The following CD99 variants were observed in gnomAD, a reference collection of about 807,000 sequenced individuals.
CD99 encodes CD99 antigen.
In CD99, 19 loss-of-function variants were observed where a neutral mutation model predicts 28.4. That is an observed-to-expected ratio of 0.67 (90% CI 0.47 to 0.98). The LOEUF (loss-of-function observed/expected upper bound fraction) is 0.98, where lower values mean the gene tolerates loss of function less well. Among genes scored for constraint, CD99 ranks in the 50% least tolerant of loss-of-function variants. CD99 has a pLI of 0.00. For synonymous variants in CD99, 103 were observed against 92.1 expected (o/e 1.12, Z -0.67); for missense variants, 283 against 248.8 (o/e 1.14, Z -0.92).
intron 1 of CD99, among the ~76,000 whole-genome samples, chrX:2,703,595 C>T (rs985044769): frequency 7.0e-6 from 1 of 142,682 alleles, no homozygotes; most frequent in Non-Finnish European, 1.5e-5. Context: ...ATTAACAAAC[C>T]GAGCTGTTAA....
chrX:2,701,939 G>A (rs2047883970), intron 1 of CD99, among the ~76,000 whole-genome samples: 1 of 152,192 alleles, frequency 6.6e-6, no homozygotes, highest in Non-Finnish European at 1.5e-5. Context: ...TTGACCACAC[G>A]TTTGCATCAC....
intron 2 of CD99, among the ~76,000 whole-genome samples, chrX:2,716,121 T>C (rs1253200826): frequency 2.0e-5 from 3 of 151,270 alleles, no homozygotes; most frequent in East Asian, 2.0e-4. Context: ...CGGGTTCAAG[T>C]GATTCTCCTG....
At chrX:2,703,662 T>C (rs2047985800) in intron 1 of CD99, among the ~76,000 whole-genome samples, 1 of 146,512 alleles carries the variant, frequency 6.8e-6, no homozygotes, top group Non-Finnish European at 1.5e-5. Flanking sequence ...TGGCCTCACA[T>C]CATTTTACAG....
intron 8 of CD99, among the ~76,000 whole-genome samples, chrX:2,734,493 G>C (rs2049832876): frequency 6.6e-6 from 1 of 151,840 alleles, no homozygotes; most frequent in Admixed American, 6.6e-5. Context: ...TTTTAGTAGA[G>C]ACGGGGTTTC....
intron 1 of CD99, among the ~76,000 whole-genome samples, chrX:2,707,555 G>GA (rs2048182393): frequency 6.6e-6 from 1 of 152,142 alleles, no homozygotes. Flanking sequence ...TGAATCAGTA[G>GA]AAAGTGTCTT....
At position 2,732,698 on chromosome X, in the gene CD99, G is replaced by A. The variant is rs1302440556; in HGVS notation, c.476-5502G>A. On this transcript the variant is annotated intron_variant, in intron 8 of 9. Coordinates refer to ENST00000381192, the MANE Select transcript of CD99 (RefSeq NM_002414.5). ...TTTCTTCCTTCTCTTTTCTTCTTAT[G>A]TACCTCTTTCTTTTTTCTCTCTTCT... Among the ~76,000 whole-genome samples the A allele has an allele frequency of 2.6e-5, 3 of 116,988 alleles. No individual in the cohort carries two copies. In the East Asian group the frequency reaches 7.2e-4, roughly 28 times the overall value. 76.7% of individuals were successfully genotyped at this position (116,988 alleles called of 152,430 possible). A position where few individuals can be genotyped will look rare whatever the true frequency, so the allele number is the denominator to read the frequency against.
At chrX:2,731,621 A>C in intron 8 of CD99, among the ~76,000 whole-genome samples, 1 of 152,128 alleles carries the variant, frequency 6.6e-6, no homozygotes, top group East Asian at 1.9e-4. Context: ...AACCATGCCC[A>C]GTTTTGGGGA....
At chrX:2,714,354 A>T in intron 1 of CD99, 68 bp from the exon 2 acceptor site, 32 of 1,083,792 alleles carry the variant, frequency 3.0e-5, no homozygotes, top group Non-Finnish European at 4.2e-5. Context: ...TATCTTTTTT[A>T]TCTCTATAAT....
intron 2 of CD99, chrX:2,715,276 C>T (rs1247572891): frequency 6.6e-6 from 1 of 152,268 alleles, no homozygotes; most frequent in Non-Finnish European, 1.5e-5. Flanking sequence ...AAAGGTGCCA[C>T]CAACTGGGGG....
intron 1 of CD99, among the ~76,000 whole-genome samples, chrX:2,696,192 A>T (rs1177407091): frequency 6.6e-6 from 1 of 152,188 alleles, no homozygotes; most frequent in African/African-American, 2.4e-5. Context: ...TGGCAGAGAA[A>T]GGCTGGTTAT....
chrX:2,717,696 C>A (rs764436472), intron 3 of CD99, 44 bp downstream of exon 3: 4 of 1,566,572 alleles, frequency 2.6e-6, no homozygotes, highest in Non-Finnish European at 2.6e-6. Flanking sequence ...AAGAGCAAAT[C>A]ATTTTCTCGG....
At chrX:2,715,282 G>A (rs1463709792) in intron 2 of CD99, 1 of 152,246 alleles carries the variant, frequency 6.6e-6, no homozygotes, top group African/African-American at 2.4e-5. Context: ...GCCACCAACT[G>A]GGGGCTTAAA....
chrX:2,692,142 G>T lies in CD99; in HGVS notation c.67+715G>T, dbSNP rs1049211385. 44 of 561,962 alleles carry T rather than the reference G, an allele frequency of 7.8e-5. 2 individuals carry two copies. The highest frequency in any genetic ancestry group is 5.8e-4 in the Admixed American group (18 of 30,954). 34.8% of individuals were successfully genotyped at this position (561,962 alleles called of 1,614,324 possible). On this transcript the variant is annotated intron_variant, in intron 1 of 9. Transcript: ENST00000381192. ...GTCACCCTCCCACGCCCTAAACCGG[G>T]CCTATTTCTAATTATTACTTTAATC...
At chrX:2,732,311 C>T (rs1292028543) in intron 8 of CD99, among the ~76,000 whole-genome samples, 1 of 152,138 alleles carries the variant, frequency 6.6e-6, no homozygotes, top group Non-Finnish European at 1.5e-5. Flanking sequence ...GCTTCCGTGG[C>T]TGGCAAGGGG....
chrX:2,725,636 T>C (rs2049239212), intron 7 of CD99, among the ~76,000 whole-genome samples: 1 of 152,126 alleles, frequency 6.6e-6, no homozygotes, highest in South Asian at 2.1e-4. Flanking sequence ...TGTTTTGAGA[T>C]GGTGAATTGC....
At chrX:2,703,438 C>G (rs1413935048) in intron 1 of CD99, among the ~76,000 whole-genome samples, 1 of 152,024 alleles carries the variant, frequency 6.6e-6, no homozygotes, top group East Asian at 1.9e-4. Flanking sequence ...AAACAGAAAC[C>G]CACATAAAAC....
intron 8 of CD99, among the ~76,000 whole-genome samples, chrX:2,736,717 C>T (rs747324723): frequency 5.9e-5 from 9 of 151,900 alleles, no homozygotes; most frequent in Admixed American, 4.6e-4. Flanking sequence ...ATTAGCCAGG[C>T]GTGGTGGTGC....
chrX:2,697,086 C>T (rs1371858088), intron 1 of CD99, among the ~76,000 whole-genome samples: 1 of 152,042 alleles, frequency 6.6e-6, no homozygotes, highest in African/African-American at 2.4e-5. Flanking sequence ...GAGAAAATGC[C>T]CACAGGGTAC....
At chrX:2,696,411 T>C (rs2047575858) in intron 1 of CD99, among the ~76,000 whole-genome samples, 1 of 152,188 alleles carries the variant, frequency 6.6e-6, no homozygotes. Flanking sequence ...TCTTTTCTTT[T>C]TATTTTGAGA....
Sources: allele counts gnomAD v4.1 joint callset (sites outside exome capture counted in the v4.1 genomes callset), GRCh38; gene constraint gnomAD v4.1.1; transcripts MANE v1.5; gene names NCBI Gene and HGNC (gene_info 2026-07-23, HGNC 2026-07-21).